Variants in EI24 observed in about 807,000 individuals in gnomAD.
EI24 encodes the protein EI24 autophagy associated transmembrane protein.
Under a neutral mutation model 48.6 loss-of-function variants are expected in EI24, and 21 were observed. The observed-to-expected ratio is 0.43, with a 90% CI of 0.31 to 0.62. The LOEUF (loss-of-function observed/expected upper bound fraction) is 0.62, where lower values mean the gene tolerates loss of function less well. Among genes scored for constraint, EI24 ranks in the 20% least tolerant of loss-of-function variants. The pLI is 0.10. For missense variants in EI24, 280 were observed against 410.5 expected, an observed-to-expected ratio of 0.68 and a Z score of 2.75; for synonymous variants, 114 against 145.5, an observed-to-expected ratio of 0.78 and a Z score of 1.56.
intron 6 of EI24, among the ~76,000 whole-genome samples, 176 bp from the exon 7 acceptor site, chr11:125,578,770 ATCC>A (rs1386679376): frequency 1.1e-4 from 17 of 152,228 alleles, no homozygotes; most frequent in African/African-American, 3.8e-4. Context: ...TAAGGCAGCA[ATCC>A]TCCTACCTTA....
intron 7 of EI24, 129 bp from the exon 8 acceptor site, chr11:125,579,964 T>C (rs1938925256): frequency 1.3e-6 from 1 of 747,220 alleles, no homozygotes. Context: ...GTGCCCACCC[T>C]GCACTCGGCC....
chr11:125,582,422 TA>T lies in EI24; in HGVS notation c.860+4del. 2 of 1,597,764 alleles carry T rather than the reference TA, an allele frequency of 1.3e-6. No individual in the cohort carries two copies. Among genetic ancestry groups the T allele is most frequent in the Non-Finnish European group, 1.7e-6 (2 of 1,171,604 alleles). ...AGCAAAGACCCCTGGCAAAGCATAG[TA>T]AGTATTAGCCAGTGATGAAATTTTT... is the stretch of plus-strand genomic sequence containing the variant. On this transcript the variant is annotated splice_donor_region_variant and intron_variant, in intron 10 of 10. Transcript: ENST00000278903.
intron 1 of EI24, among the ~76,000 whole-genome samples, chr11:125,571,806 A>T (rs983587748): frequency 6.6e-6 from 1 of 152,274 alleles, no homozygotes; most frequent in African/African-American, 2.4e-5. Context: ...TGAACCTGGG[A>T]GGTGGAGGTT....
chr11:125,578,582 C>T lies in EI24; in HGVS notation c.441+325C>T, dbSNP rs183633140. On this transcript the variant is annotated intron_variant, in intron 6 of 10. Transcript: ENST00000278903. ...CCGGGTTCAAGCAATTCTCCTGCTT[C>T]AGCCTTCCAAGTAGCTGGGACTACA... Among the ~76,000 whole-genome samples the T allele has an allele frequency of 2.0e-3, 294 of 144,554 alleles. 3 individuals carry two copies. The South Asian group carries it at 0.037, about 18-fold the overall frequency. 94.8% of individuals were successfully genotyped at this position (144,554 alleles called of 152,430 possible).
At position 125,577,442 on chromosome 11, in the gene EI24, A is replaced by C. The variant is rs1938793883; in HGVS notation, c.250-62A>C. 8 of 1,492,834 alleles carry C rather than the reference A, an allele frequency of 5.4e-6. No homozygotes were observed. The Admixed American group carries it at 1.4e-4, about 27-fold the overall frequency. The allele number at this position is 1,492,834 out of a possible 1,614,324, so 92.5% of individuals were successfully genotyped here. A position where few individuals can be genotyped will look rare whatever the true frequency, so the allele number is the denominator to read the frequency against. On this transcript the variant is annotated intron_variant, in intron 4 of 10. Transcript: ENST00000278903. Reference sequence around the variant, plus strand: ...CCATCTATAAAATCATTACACTAAAAATTGAAGCTCCTGTTTTAAAGACTG... The same window carrying C: ...CCATCTATAAAATCATTACACTAAACATTGAAGCTCCTGTTTTAAAGACTG...
chr11:125,573,704 CAG>C (rs1479554335), intron 2 of EI24: 2 of 26,870 alleles, frequency 7.4e-5, no homozygotes, highest in African/African-American at 2.0e-4. Flanking sequence ...TTTTTTTTGA[CAG>C]AGTCTCACTG....
intron 8 of EI24, 90 bp from the exon 9 acceptor site, chr11:125,581,121 C>G (rs1938975717): frequency 2.3e-6 from 1 of 436,234 alleles, no homozygotes; most frequent in Non-Finnish European, 3.9e-6. Context: ...AAAATCTGTA[C>G]CTAAAACTCA....
At chr11:125,577,460 A>G in intron 4 of EI24, 44 bp from the exon 5 acceptor site, 4 of 1,561,234 alleles carry the variant, frequency 2.6e-6, no homozygotes, top group Non-Finnish European at 3.5e-6. Flanking sequence ...CTCCTGTTTT[A>G]AAGACTGGAT....
At chr11:125,569,802 G>C (rs1167051719) in intron 1 of EI24, 3 of 268,520 alleles carry the variant, frequency 1.1e-5, no homozygotes. Flanking sequence ...CCCGGAGCGT[G>C]CGTGATCCGC....
At chr11:125,574,062 T>A (rs1474244324) in intron 2 of EI24, among the ~76,000 whole-genome samples, 1 of 151,974 alleles carries the variant, frequency 6.6e-6, no homozygotes, top group Non-Finnish European at 1.5e-5. Flanking sequence ...CCAGCCTGGC[T>A]AACACAGCAA....
chr11:125,584,033 C>T lies in EI24; in HGVS notation c.*350C>T. 1 of 237,156 alleles carries T rather than the reference C, an allele frequency of 4.2e-6. No individual in the cohort carries two copies. The highest frequency in any genetic ancestry group is 8.4e-6 in the Non-Finnish European group (1 of 119,260). 14.7% of individuals were successfully genotyped at this position (237,156 alleles called of 1,614,324 possible). ...ACCTTTCCATCCTGCCTTCTACCAC[C>T]CTTGGATGAATGGATTTTGTAATTC... On this transcript the variant is annotated 3_prime_UTR_variant, in exon 11 of 11. Transcript: ENST00000278903.
intron 5 of EI24, chr11:125,577,851 C>A: frequency 1.8e-6 from 1 of 571,176 alleles, no homozygotes. Context: ...CAGATGGTAT[C>A]CTGCAGATAG....
chr11:125,577,586 G>A lies in EI24; in HGVS notation c.316+16G>A, dbSNP rs1938802158. 6.2e-7 allele frequency: 1 copy of A among 1,604,990 alleles called. No homozygotes were observed. Among genetic ancestry groups the A allele is most frequent in the East Asian group, 2.2e-5 (1 of 44,724 alleles). The stretch of plus-strand genomic sequence containing the variant: ...CGAATTATCGGTAAGTGTATACCCT[G>A]CTCCTTGTCTGTTGGGGACAGAGTG... On this transcript the variant is annotated intron_variant, in intron 5 of 10. Coordinates refer to ENST00000278903, the MANE Select transcript of EI24 (RefSeq NM_004879.5).
At chr11:125,572,614 T>C (rs772066765) in intron 2 of EI24, 45 bp downstream of exon 2, 1 of 1,588,494 alleles carries the variant, frequency 6.3e-7, no homozygotes, top group Admixed American at 1.7e-5. Context: ...GGCCTTTTTT[T>C]TTTTTGCTGA....
chr11:125,572,426 AT>A, intron 1 of EI24, 31 bp from the exon 2 acceptor site: 1 of 1,041,594 alleles, frequency 9.6e-7, no homozygotes, highest in Non-Finnish European at 1.5e-6. Flanking sequence ...TAAAATAAAT[AT>A]TTGCCTCCAT....
chr11:125,577,096 T>G (rs547055819), intron 4 of EI24, among the ~76,000 whole-genome samples: 1 of 152,228 alleles, frequency 6.6e-6, no homozygotes, highest in South Asian at 2.1e-4. Flanking sequence ...ATTTATTTAT[T>G]TATGTATTTA....
intron 6 of EI24, among the ~76,000 whole-genome samples, 198 bp downstream of exon 6, chr11:125,578,455 T>C (rs1394117341): frequency 1.3e-5 from 2 of 151,232 alleles, no homozygotes; most frequent in East Asian, 3.9e-4. Flanking sequence ...GGCAGGTGTC[T>C]GGTGCCTTTT....
intron 4 of EI24, among the ~76,000 whole-genome samples, chr11:125,576,635 C>T (rs1938758948): frequency 6.6e-6 from 1 of 152,184 alleles, no homozygotes; most frequent in African/African-American, 2.4e-5. Context: ...ACTATGGGGA[C>T]TCGGGAAGGG....
At chr11:125,579,725 T>C (rs542631058) in intron 7 of EI24, among the ~76,000 whole-genome samples, 2 of 152,252 alleles carry the variant, frequency 1.3e-5, no homozygotes, top group Admixed American at 6.5e-5. Context: ...TGGAGTACAG[T>C]GGCACAATCA....
Sources: gnomAD v4.1 joint callset for allele counts (sites outside exome capture counted in the v4.1 genomes callset) on GRCh38, gnomAD v4.1.1 for gene constraint, MANE v1.5 for transcripts, NCBI Gene and HGNC (gene_info 2026-07-23, HGNC 2026-07-21) for gene names.